ZNF432: variants seen among roughly 807,000 people sequenced by gnomAD.
ZNF432 encodes the protein zinc finger protein 432.
Under a neutral mutation model 13.9 loss-of-function variants are expected in ZNF432, and 10 were observed. That is an observed-to-expected ratio of 0.72 (90% confidence interval 0.44 to 1.22). The LOEUF (loss-of-function observed/expected upper bound fraction) is 1.22. Among genes scored for constraint, ZNF432 ranks in the 50% most tolerant of loss-of-function variants. The probability of loss-of-function intolerance (pLI) is 0.00; values close to 1 mark genes in which losing one functional copy is unlikely to be tolerated. For missense variants in ZNF432, 793 were observed against 796.2 expected (o/e 1.00, Z 0.05); for synonymous variants, 247 against 256.2 (o/e 0.96, Z 0.34).
rs2087219210 is a variant in ZNF432 at position 52,048,683 on chromosome 19, CCA to C, written c.-193+10_-193+11del. 1 of 152,970 alleles carries C rather than the reference CCA, an allele frequency of 6.5e-6. No homozygotes were observed. The highest frequency in any genetic ancestry group is 2.4e-5 in the African/African-American group (1 of 41,408). 9.5% of individuals were successfully genotyped at this position (152,970 alleles called of 1,614,324 possible). ...TCCCACCACGTTTCCACGCCCTGAC[CCA>C]CACACTGACCTGACTCTCCTTGGAA... On this transcript the variant is annotated intron_variant, in intron 1 of 4. Coordinates refer to ENST00000221315, the MANE Select transcript of ZNF432 (RefSeq NM_014650.4).
At chr19:52,045,066 C>G (rs2087168431) in intron 2 of ZNF432, among the ~76,000 whole-genome samples, 1 of 152,166 alleles carries the variant, frequency 6.6e-6, no homozygotes, top group South Asian at 2.1e-4. Flanking sequence ...GGGCCACATT[C>G]AAAGCCATCC....
At chr19:52,037,636 A>C (rs1369402869) in intron 4 of ZNF432, among the ~76,000 whole-genome samples, 1 of 152,010 alleles carries the variant, frequency 6.6e-6, no homozygotes, top group African/African-American at 2.4e-5. Context: ...AAATACAAAA[A>C]TTAGCCAGGC....
At chr19:52,038,065 C>A (rs2087101477) in intron 4 of ZNF432, among the ~76,000 whole-genome samples, 1 of 152,148 alleles carries the variant, frequency 6.6e-6, no homozygotes, top group Non-Finnish European at 1.5e-5. Context: ...TATGAAAAGA[C>A]AAAAATATAA....
intron 2 of ZNF432, among the ~76,000 whole-genome samples, chr19:52,045,598 C>A (rs1214854926): frequency 6.6e-6 from 1 of 150,836 alleles, no homozygotes; most frequent in African/African-American, 2.4e-5. Context: ...TCAGGTGACC[C>A]GCCTGGTTGG....
rs182495153 is a variant in ZNF432, at chr19:52,039,302, A to G, written c.238+1186T>C. Among the ~76,000 whole-genome samples the G allele has an allele frequency of 6.0e-4, 92 of 152,342 alleles. 1 individual carries two copies. The East Asian group carries it at 0.013, about 21-fold the overall frequency. ...ACGTTCATAGCAGCATGATTCATAA[A>G]AGCCAAAAAGTAGAAATAACCCAAA... On this transcript the variant is annotated intron_variant, in intron 4 of 4. Coordinates refer to ENST00000221315, the MANE Select transcript of ZNF432 (RefSeq NM_014650.4).
rs749275684 is a variant in ZNF432 at position 52,041,506 on chromosome 19, T to C, written c.116A>G (p.Glu39Gly). 4 of 1,608,940 alleles carry C rather than the reference T, an allele frequency of 2.5e-6. No homozygotes were observed. The highest frequency in any genetic ancestry group is 3.4e-6 in the Non-Finnish European group (4 of 1,176,946). Reference sequence around the variant, plus strand: ...CATTGATAGCAGGTTGCTGTAGATCTCCAACATCACATCCCGGTACAAATC... The same window carrying C: ...CATTGATAGCAGGTTGCTGTAGATCCCCAACATCACATCCCGGTACAAATC... ...QKDLYRDVMLEIYSNLLSMGY... is the reference protein window; with the variant it reads ...QKDLYRDVMLGIYSNLLSMGY... The change falls in exon 3 of 5, where the codon GAG (glutamate) becomes GGG (glycine). Residue 39 changes from glutamate (E) to glycine (G), a missense_variant. By Grantham distance (98) the Glu-to-Gly change is moderately conservative. Coordinates refer to ENST00000221315, the MANE Select transcript of ZNF432 (RefSeq NM_014650.4).
Position 52,033,012 on chromosome 19 carries a change from T to C in ZNF432, c.*708A>G, listed in dbSNP as rs1009416169. The C allele has an allele frequency of 6.6e-6, 1 of 152,210 alleles. No individual in the cohort carries two copies. Among genetic ancestry groups the C allele is most frequent in the Admixed American group, 6.5e-5 (1 of 15,280 alleles). The allele number at this position is 152,210 out of a possible 1,614,324, so 9.4% of individuals were successfully genotyped here. ...TGATCTATTATGATCACTGAAGAGA[T>C]AGGGTCTTTCTTCCCATAGAAGGCT... On this transcript the variant is annotated 3_prime_UTR_variant, in exon 5 of 5. Coordinates refer to ENST00000221315, the MANE Select transcript of ZNF432 (RefSeq NM_014650.4).
chr19:52,034,861 T>G lies in ZNF432; in HGVS notation c.818A>C (p.Lys273Thr). Residue 273 changes from lysine (K) to threonine (T), a missense_variant, in exon 5 of 5, where the codon AAG (lysine) becomes ACG (threonine). Transcript: ENST00000221315. ...CSECGKVFTM[K>T]SRLIEHQRTH... ...TCGCTGATGTTCAATCAGACGGCTCTTCATAGTGAAGACTTTTCCACATTC... is the reference window on the plus strand; with the variant it reads ...TCGCTGATGTTCAATCAGACGGCTCGTCATAGTGAAGACTTTTCCACATTC... 6.2e-7 allele frequency: 1 copy of G among 1,613,982 alleles called. No individual in the cohort carries two copies. Among genetic ancestry groups the G allele is most frequent in the Non-Finnish European group, 8.5e-7 (1 of 1,179,910 alleles).
At chr19:52,036,325 G>C (rs1339675735) in intron 4 of ZNF432, among the ~76,000 whole-genome samples, 1 of 152,248 alleles carries the variant, frequency 6.6e-6, no homozygotes, top group Non-Finnish European at 1.5e-5. Context: ...GTGATGTTAA[G>C]TGTGGTTTGA....
At position 52,046,776 on chromosome 19, in the gene ZNF432, G is replaced by T. The variant is rs1222258404; in HGVS notation, c.15+78C>A. On this transcript the variant is annotated intron_variant, in intron 2 of 4. Coordinates refer to ENST00000221315, the MANE Select transcript of ZNF432 (RefSeq NM_014650.4). ...TAGATTTAAAGTTTATTTCTCTCTA[G>T]ATTCTGAAATGATTTCTTACGGGTC... The T allele has an allele frequency of 2.8e-6, 4 of 1,450,926 alleles. 1 individual carries two copies. In the Admixed American group the frequency reaches 5.7e-5, roughly 21 times the overall value. The allele number at this position is 1,450,926 out of a possible 1,614,324, so 89.9% of individuals were successfully genotyped here.
intron 1 of ZNF432, chr19:52,048,463 G>T (rs2087215475): frequency 2.0e-5 from 3 of 152,062 alleles, no homozygotes; most frequent in Admixed American, 2.0e-4. Context: ...CTTGGTCGTT[G>T]ATCTATTCAG....
rs146176277 is a variant in ZNF432, at chr19:52,033,984, T to C, written c.1695A>G (p.Glu565=). 1 of 1,614,192 alleles carries C rather than the reference T, an allele frequency of 6.2e-7. No homozygotes were observed. The highest frequency in any genetic ancestry group is 8.5e-7 in the Non-Finnish European group (1 of 1,180,030). ...YLIVHQQIHT[E]EKSCICSECG... is the part of the protein sequence containing the mutation. ...ATTCACTACATATACAAGATTTCTC[T>C]TCTGTATGAATTTGCTGATGTACAA... The change falls in exon 5 of 5, where the codon GAA becomes GAG. Residue 565 remains glutamate, a synonymous_variant. Transcript: ENST00000221315.
Position 52,037,771 on chromosome 19 carries a change from C to T in ZNF432, c.239-2331G>A, listed in dbSNP as rs372910554. On this transcript the variant is annotated intron_variant, in intron 4 of 4. Transcript: ENST00000221315. ...TGCCACTGCACTCCAGCCTGAGCAA[C>T]AAAGTGAGACTCTACCTTAAAAAAA... Among the ~76,000 whole-genome samples the T allele has an allele frequency of 2.1e-3, 245 of 113,954 alleles. 4 individuals are homozygous for T. The South Asian group carries it at 0.042, about 20-fold the overall frequency. 74.8% of individuals were successfully genotyped at this position (113,954 alleles called of 152,430 possible). A position where few individuals can be genotyped will look rare whatever the true frequency, so the allele number is the denominator to read the frequency against.
chr19:52,048,182 C>CACACACACACACACACACAA (rs1482172095), intron 1 of ZNF432, among the ~76,000 whole-genome samples: 2 of 146,316 alleles, frequency 1.4e-5, no homozygotes, highest in African/African-American at 2.6e-5. Flanking sequence ...CACACACACA[C>CACACACACACACACACACAA]AAAACCAGCC....
In ZNF432 at chr19:52,032,989, ATCTATTATGATCACTG is replaced by A. The variant is rs2087030262; in HGVS notation, c.*715_*730del. 6.6e-6 allele frequency: 1 copy of A among 152,164 alleles called. No individual in the cohort carries two copies. The highest frequency in any genetic ancestry group is 1.5e-5 in the Non-Finnish European group (1 of 68,040). 9.4% of individuals were successfully genotyped at this position (152,164 alleles called of 1,614,324 possible). On this transcript the variant is annotated 3_prime_UTR_variant, in exon 5 of 5. Transcript: ENST00000221315. ...GCTAGTATGTGTAAGTTCATTGATGATCTATTATGATCACTGAAGAGATAGGGTCTTTCTTCCCATA... is the reference window on the plus strand; with the variant it reads ...GCTAGTATGTGTAAGTTCATTGATGAAAGAGATAGGGTCTTTCTTCCCATA...
intron 2 of ZNF432, among the ~76,000 whole-genome samples, chr19:52,042,985 A>C (rs891257133): frequency 6.6e-6 from 1 of 152,216 alleles, no homozygotes; most frequent in African/African-American, 2.4e-5. Flanking sequence ...GGCAATTGGC[A>C]AATTGTATGG....
intron 1 of ZNF432, among the ~76,000 whole-genome samples, chr19:52,048,021 T>C (rs1253158771): frequency 1.3e-5 from 2 of 151,958 alleles, no homozygotes; most frequent in Non-Finnish European, 2.9e-5. Context: ...TGGGTTGTTG[T>C]GGAAAGCCAG....
intron 4 of ZNF432, among the ~76,000 whole-genome samples, chr19:52,039,119 G>A (rs966247488): frequency 6.6e-6 from 1 of 152,234 alleles, no homozygotes; most frequent in Non-Finnish European, 1.5e-5. Context: ...GTCACACACT[G>A]TGTGGCTGGG....
At chr19:52,037,972 G>C (rs769292763) in intron 4 of ZNF432, among the ~76,000 whole-genome samples, 1 of 151,966 alleles carries the variant, frequency 6.6e-6, no homozygotes. Flanking sequence ...TTCACCTTCA[G>C]TTTTTCTTAA....
Sources: gnomAD v4.1 joint callset for allele counts (sites outside exome capture counted in the v4.1 genomes callset) on GRCh38, gnomAD v4.1.1 for gene constraint, MANE v1.5 for transcripts, NCBI Gene and HGNC (gene_info 2026-07-23, HGNC 2026-07-21) for gene names.